The following SNX29 variants were observed in gnomAD, a reference collection of about 807,000 sequenced individuals.
SNX29 encodes the protein sorting nexin-29.
Under a neutral mutation model 102.1 loss-of-function variants are expected in SNX29, and 78 were observed. The ratio of observed to expected loss-of-function variants is 0.76; its 90% CI spans 0.64 to 0.92. The LOEUF is 0.92. Ranked by LOEUF, SNX29 falls within the 40% of genes least tolerant of loss-of-function variation. SNX29 has a pLI of 0.00. For synonymous variants in SNX29, 580 were observed against 414.5 expected, an observed-to-expected ratio of 1.40 and a Z score of -4.85; for missense variants, 1,280 against 1,061.7, an observed-to-expected ratio of 1.21 and a Z score of -2.86.
At chr16:12,015,795 A>T (rs931703783) in intron 3 of SNX29, among the ~76,000 whole-genome samples, 4 of 151,836 alleles carry the variant, frequency 2.6e-5, no homozygotes, top group African/African-American at 4.8e-5. Context: ...TTGGCCTCCC[A>T]AAGTGCTAGG....
intron 11 of SNX29, chr16:12,087,573 G>C: frequency 3.0e-6 from 1 of 333,666 alleles, no homozygotes; most frequent in African/African-American, 2.2e-5. Flanking sequence ...CCCCAGCCTG[G>C]GCAACAGAGC....
At chr16:12,504,005 A>G (rs2089249985) in intron 19 of SNX29, among the ~76,000 whole-genome samples, 1 of 152,154 alleles carries the variant, frequency 6.6e-6, no homozygotes, top group Non-Finnish European at 1.5e-5. Context: ...AGAAAATTTC[A>G]TCACCACCAG....
chr16:12,524,368 G>T (rs913040180), intron 19 of SNX29, among the ~76,000 whole-genome samples: 4 of 151,754 alleles, frequency 2.6e-5, no homozygotes, highest in African/African-American at 9.7e-5. Context: ...CTCCACGAAG[G>T]CCACAGCAGT....
At chr16:12,555,073 A>C (rs547826555) in intron 20 of SNX29, among the ~76,000 whole-genome samples, 2 of 151,538 alleles carry the variant, frequency 1.3e-5, no homozygotes, top group Non-Finnish European at 2.9e-5. Context: ...AGTTGTGGGG[A>C]GGTGGAGGAA....
chr16:12,057,972 C>A (rs2050589015), intron 8 of SNX29, among the ~76,000 whole-genome samples: 1 of 151,858 alleles, frequency 6.6e-6, no homozygotes, highest in Admixed American at 6.6e-5. Context: ...TGACCACCAC[C>A]ACTCCCGGTT....
intron 18 of SNX29, among the ~76,000 whole-genome samples, chr16:12,406,746 A>G (rs1203758981): frequency 6.6e-6 from 1 of 152,190 alleles, no homozygotes; most frequent in East Asian, 1.9e-4. Flanking sequence ...CATCTCTACT[A>G]AAAATACAAA....
At chr16:12,452,184 C>T (rs1363719402) in intron 18 of SNX29, among the ~76,000 whole-genome samples, 1 of 152,226 alleles carries the variant, frequency 6.6e-6, no homozygotes, top group African/African-American at 2.4e-5. Context: ...CCCTGGGCAA[C>T]TCTGAGATAA....
intron 19 of SNX29, among the ~76,000 whole-genome samples, chr16:12,500,474 G>T (rs1420175996): frequency 6.6e-6 from 1 of 152,194 alleles, no homozygotes; most frequent in East Asian, 1.9e-4. Flanking sequence ...ACCTCCACGG[G>T]CTCCTTTTGC....
chr16:12,128,679 C>T (rs2054325611), intron 12 of SNX29, among the ~76,000 whole-genome samples: 1 of 152,152 alleles, frequency 6.6e-6, no homozygotes, highest in Admixed American at 6.5e-5. Context: ...TCTCAAACTC[C>T]TGACCTCAAG....
At position 12,570,229 on chromosome 16, in the gene SNX29, C is replaced by T. The variant is rs2079157961; in HGVS notation, c.*1600C>T. The T allele has an allele frequency of 3.8e-6, 4 of 1,065,100 alleles. No individual in the cohort carries two copies. The highest frequency in any genetic ancestry group is 5.3e-5 in the Admixed American group (1 of 18,720). 66.0% of individuals were successfully genotyped at this position (1,065,100 alleles called of 1,614,324 possible). A position where few individuals can be genotyped will look rare whatever the true frequency, so the allele number is the denominator to read the frequency against. On this transcript the variant is annotated 3_prime_UTR_variant, in exon 21 of 21. Transcript: ENST00000566228. ...GGGACCTGGGGCCAGATAAGCCCTGCCCCGGTGAGACCAAATGAGCTGGAG... is the reference window on the plus strand; with the variant it reads ...GGGACCTGGGGCCAGATAAGCCCTGTCCCGGTGAGACCAAATGAGCTGGAG...
chr16:12,374,136 T>C (rs764125965), intron 16 of SNX29, among the ~76,000 whole-genome samples: 1 of 152,228 alleles, frequency 6.6e-6, no homozygotes, highest in East Asian at 1.9e-4. Context: ...GTGGGCTGTG[T>C]CTAGCCCATT....
intron 18 of SNX29, among the ~76,000 whole-genome samples, chr16:12,449,373 C>T (rs1488061055): frequency 6.6e-6 from 1 of 151,820 alleles, no homozygotes; most frequent in Non-Finnish European, 1.5e-5. Flanking sequence ...ATAGGCACGG[C>T]AAGGACAGGG....
intron 14 of SNX29, among the ~76,000 whole-genome samples, chr16:12,230,210 C>T (rs1427903494): frequency 6.6e-6 from 1 of 152,228 alleles, no homozygotes; most frequent in Non-Finnish European, 1.5e-5. Flanking sequence ...TGCAAACTGT[C>T]TTGAAAGCTT....
chr16:12,535,153 C>T (rs1466768440), intron 20 of SNX29, among the ~76,000 whole-genome samples: 2 of 152,180 alleles, frequency 1.3e-5, no homozygotes, highest in South Asian at 2.1e-4. Context: ...CTTTTCATTT[C>T]TTTGAGACAG....
intron 20 of SNX29, among the ~76,000 whole-genome samples, chr16:12,552,154 C>G (rs764358488): frequency 6.6e-6 from 1 of 152,168 alleles, no homozygotes; most frequent in South Asian, 2.1e-4. Context: ...TCCAGTACAG[C>G]TTAATCTACT....
chr16:12,494,828 T>C (rs2088732974), intron 19 of SNX29, among the ~76,000 whole-genome samples: 1 of 152,222 alleles, frequency 6.6e-6, no homozygotes, highest in East Asian at 1.9e-4. Flanking sequence ...CTCTCCGCTG[T>C]GAGCTGGGCC....
chr16:12,554,201 C>G (rs41461544), intron 20 of SNX29, among the ~76,000 whole-genome samples: 1 of 152,136 alleles, frequency 6.6e-6, no homozygotes, highest in Admixed American at 6.5e-5. Flanking sequence ...ACCATTTGAA[C>G]GATGAGCATA....
intron 15 of SNX29, among the ~76,000 whole-genome samples, chr16:12,341,962 C>T (rs2081622705): frequency 6.6e-6 from 1 of 152,148 alleles, no homozygotes; most frequent in South Asian, 2.1e-4. Flanking sequence ...GTGCTTCGTG[C>T]CAGGAAGTAA....
intron 20 of SNX29, among the ~76,000 whole-genome samples, chr16:12,550,555 C>G (rs961125115): frequency 3.3e-5 from 5 of 149,544 alleles, no homozygotes; most frequent in African/African-American, 1.2e-4. Flanking sequence ...AAACCAAACA[C>G]CAAATATGAG....
Sources: allele counts gnomAD v4.1 joint callset (sites outside exome capture counted in the v4.1 genomes callset), GRCh38; gene constraint gnomAD v4.1.1; transcripts MANE v1.5; gene names NCBI Gene and HGNC (gene_info 2026-07-23, HGNC 2026-07-21).